NEK4: variants seen among roughly 807,000 people sequenced by gnomAD.
NEK4 encodes the protein serine/threonine-protein kinase Nek4.
In NEK4, 86 loss-of-function variants were observed where a neutral mutation model predicts 98.4. The ratio of observed to expected loss-of-function variants is 0.87; its 90% CI spans 0.73 to 1.05. The LOEUF (loss-of-function observed/expected upper bound fraction) is 1.05. Among genes scored for constraint, NEK4 ranks in the 50% least tolerant of loss-of-function variants. The pLI is 0.00. For missense variants in NEK4, 898 were observed against 950.3 expected, an observed-to-expected ratio of 0.94 and a Z score of 0.72; for synonymous variants, 328 against 342.2, an observed-to-expected ratio of 0.96 and a Z score of 0.46.
At chr3:52,743,039 C>T (rs2097389430) in intron 12 of NEK4, among the ~76,000 whole-genome samples, 1 of 152,186 alleles carries the variant, frequency 6.6e-6, no homozygotes, top group Admixed American at 6.5e-5. Flanking sequence ...CTCACCTTGG[C>T]CTCCCAAAGT....
At chr3:52,722,090 A>G (rs553792533) in intron 15 of NEK4, among the ~76,000 whole-genome samples, 2 of 152,148 alleles carry the variant, frequency 1.3e-5, no homozygotes, top group Non-Finnish European at 2.9e-5. Flanking sequence ...CTTTTCTAAT[A>G]CTACCTACAG....
chr3:52,766,567 T>C (rs1698567440), intron 2 of NEK4, among the ~76,000 whole-genome samples, 192 bp from the exon 3 acceptor site: 1 of 152,204 alleles, frequency 6.6e-6, no homozygotes, highest in African/African-American at 2.4e-5. Context: ...AAATAAAAGG[T>C]CTAATTTACA....
intron 6 of NEK4, among the ~76,000 whole-genome samples, chr3:52,758,486 T>C (rs748204328): frequency 4.6e-5 from 7 of 152,020 alleles, no homozygotes; most frequent in Non-Finnish European, 1.0e-4. Context: ...ACTATAAAAC[T>C]GTTAGAAGAA....
Position 52,763,587 on chromosome 3 carries a change from G to C in NEK4, c.704C>G (p.Ala235Gly). Reference sequence around the variant, plus strand: ...GCTCAGCATTGTTCTTATCAGTTCTGCCAGCTCTGGGCTGTAATCTCTTGG... The same window carrying C: ...GCTCAGCATTGTTCTTATCAGTTCTCCCAGCTCTGGGCTGTAATCTCTTGG... ...PMPRDYSPEL[A>G]ELIRTMLSKR... Residue 235 changes from alanine to glycine, a missense_variant, in exon 5 of 16, where the codon GCA becomes GGA. Coordinates refer to ENST00000233027, the MANE Select transcript of NEK4 (RefSeq NM_003157.6). The C allele has an allele frequency of 6.2e-7, 1 of 1,612,092 alleles. No individual in the cohort carries two copies. The highest frequency in any genetic ancestry group is 1.7e-4 in the Middle Eastern group (1 of 5,978).
At chr3:52,753,442 T>A (rs968627975) in intron 6 of NEK4, 4 of 371,570 alleles carry the variant, frequency 1.1e-5, no homozygotes, top group African/African-American at 8.5e-5. Context: ...TGAGGCACAA[T>A]GCCCGGAAGG....
chr3:52,755,364 T>A (rs962836653), intron 6 of NEK4, among the ~76,000 whole-genome samples: 1 of 151,892 alleles, frequency 6.6e-6, no homozygotes, highest in Non-Finnish European at 1.5e-5. Context: ...TGAATCTAAT[T>A]AAGGACAATG....
chr3:52,756,452 C>T (rs1041881417), intron 6 of NEK4, among the ~76,000 whole-genome samples: 1 of 152,176 alleles, frequency 6.6e-6, no homozygotes, highest in African/African-American at 2.4e-5. Context: ...TAAACTTTCA[C>T]ATATGTGGTC....
At chr3:52,726,226 C>A (rs1434552077) in intron 15 of NEK4, among the ~76,000 whole-genome samples, 2 of 152,046 alleles carry the variant, frequency 1.3e-5, no homozygotes, top group Admixed American at 1.3e-4. Context: ...AAAAAACAAA[C>A]CATGACTAAT....
chr3:52,746,881 A>C lies in NEK4; in HGVS notation c.1530T>G (p.Ile510Met), dbSNP rs1477496180. The C allele has an allele frequency of 6.2e-7, 1 of 1,613,746 alleles. No homozygotes were observed. Among genetic ancestry groups the C allele is most frequent in the African/African-American group, 1.3e-5 (1 of 75,030 alleles). The stretch of plus-strand genomic sequence containing the variant: ...GGTGGATTCTGCCCTGTTTTTCTAT[A>C]ATACATTCACCAGCAACTTGATCCT... ...HAQDQVAGEC[I>M]IEKQGRIHPD... Residue 510 changes from isoleucine to methionine, a missense_variant, in exon 9 of 16, where the codon ATT becomes ATG. By Grantham distance (10) the Ile-to-Met change is conservative. Coordinates refer to ENST00000233027, the MANE Select transcript of NEK4 (RefSeq NM_003157.6).
chr3:52,763,052 AAC>A (rs1435354417), intron 5 of NEK4, among the ~76,000 whole-genome samples: 2 of 152,230 alleles, frequency 1.3e-5, no homozygotes, highest in African/African-American at 4.8e-5. Context: ...GAATTCTATA[AAC>A]AGACCTTATT....
chr3:52,757,511 T>C (rs1402098993), intron 6 of NEK4, among the ~76,000 whole-genome samples: 2 of 151,048 alleles, frequency 1.3e-5, no homozygotes, highest in African/African-American at 4.9e-5. Context: ...TGAGCCACGA[T>C]TGTGCCACTG....
chr3:52,734,857 C>T, intron 15 of NEK4: 1 of 291,954 alleles, frequency 3.4e-6, no homozygotes, highest in South Asian at 3.5e-5. Flanking sequence ...AGATGGATAT[C>T]AAGAGACTAA....
rs1447244089 is a variant in NEK4 at position 52,768,485 on chromosome 3, T to C, written c.213A>G (p.Ser71=). The change falls in exon 2 of 16, where the codon TCA becomes TCG. Residue 71 remains serine (S), a synonymous_variant. Coordinates refer to ENST00000233027, the MANE Select transcript of NEK4 (RefSeq NM_003157.6). The stretch of plus-strand genomic sequence containing the variant: ...AGAGCAGACCATCTCCTCCTTCCCA[T>C]GACTCCTTGTAGGTGACAATGTTGG... ...KHPNIVTYKE[S]WEGGDGLLYI... The C allele has an allele frequency of 1.9e-6, 3 of 1,614,226 alleles. No individual in the cohort carries two copies. The highest frequency in any genetic ancestry group is 2.5e-6 in the Non-Finnish European group (3 of 1,180,032).
Position 52,744,267 on chromosome 3 carries a change from C to T in NEK4, c.1866G>A (p.Lys622=), listed in dbSNP as rs1293063112. ...AAGAGGACATTTCTTCCTGTGACTG[C>T]TTTAGTCGCCTCCTCTCTCTGGCTG... ...PLSARERRRL[K]QSQEEMSSSG... The change falls in exon 11 of 16, where the codon AAG becomes AAA. Residue 622 remains lysine, a synonymous_variant. Transcript: ENST00000233027. 1.2e-6 allele frequency: 2 copies of T among 1,613,984 alleles called. No individual in the cohort carries two copies. The highest frequency in any genetic ancestry group is 2.2e-5 in the East Asian group (1 of 44,884).
intron 13 of NEK4, 45 bp from the exon 14 acceptor site, chr3:52,739,679 G>T (rs767806057): frequency 2.0e-6 from 3 of 1,519,880 alleles, no homozygotes; most frequent in Non-Finnish European, 9.1e-7. Context: ...GGCTTCATGA[G>T]AATTTTTCAT....
At chr3:52,764,775 CAT>C (rs1392262831) in intron 4 of NEK4, among the ~76,000 whole-genome samples, 7 of 79,282 alleles carry the variant, frequency 8.8e-5, no homozygotes, top group African/African-American at 5.2e-4. Flanking sequence ...CACACACACA[CAT>C]GCACACACAC....
At chr3:52,732,705 G>T in intron 15 of NEK4, 1 of 304,678 alleles carries the variant, frequency 3.3e-6, no homozygotes. Context: ...ACAGGAACCT[G>T]GTCTTTCTGG....
intron 6 of NEK4, among the ~76,000 whole-genome samples, chr3:52,752,893 C>T (rs1339078675): frequency 1.3e-5 from 1 of 74,926 alleles, no homozygotes; most frequent in African/African-American, 6.2e-5. Context: ...GGAGTGAAAC[C>T]CTGCCTCAAA....
intron 6 of NEK4, among the ~76,000 whole-genome samples, chr3:52,752,933 T>TATATATATATATATACACAC (rs148965312): frequency 1.3e-5 from 1 of 75,574 alleles, no homozygotes; most frequent in Non-Finnish European, 2.6e-5. Context: ...TATATATATA[T>TATATATATATATATACACAC]ACACACACAC....
Sources: allele counts gnomAD v4.1 joint callset (sites outside exome capture counted in the v4.1 genomes callset), GRCh38; gene constraint gnomAD v4.1.1; transcripts MANE v1.5; gene names NCBI Gene and HGNC (gene_info 2026-07-23, HGNC 2026-07-21).